Variants in SYNRG observed in about 807,000 individuals in gnomAD.
SYNRG encodes AP1 gamma subunit binding protein 1.
Under a neutral mutation model 130.9 loss-of-function variants are expected in SYNRG, and 37 were observed. The observed-to-expected ratio is 0.28, with a 90% CI of 0.22 to 0.37. The LOEUF (loss-of-function observed/expected upper bound fraction) is 0.37, where lower values mean the gene tolerates loss of function less well. Ranked by LOEUF, SYNRG falls within the 10% of genes least tolerant of loss-of-function variation. The pLI is 1.00. For missense variants in SYNRG, 1,338 were observed against 1,588.9 expected, an observed-to-expected ratio of 0.84 and a Z score of 2.68; for synonymous variants, 539 against 568.1, an observed-to-expected ratio of 0.95 and a Z score of 0.73.
At chr17:37,603,620 G>A (rs953581684) in intron 1 of SYNRG, among the ~76,000 whole-genome samples, 2 of 152,186 alleles carry the variant, frequency 1.3e-5, no homozygotes, top group African/African-American at 4.8e-5. Flanking sequence ...GGGTGACCAG[G>A]CACATTGTCA....
At chr17:37,533,403 GAA>G (rs368807571) in intron 19 of SYNRG, among the ~76,000 whole-genome samples, 1 of 139,868 alleles carries the variant, frequency 7.1e-6, no homozygotes. Context: ...TCTGTCTGGG[GAA>G]AAAAAAAAAC....
chr17:37,555,736 T>C (rs572880808), intron 13 of SYNRG, among the ~76,000 whole-genome samples: 1 of 152,146 alleles, frequency 6.6e-6, no homozygotes, highest in East Asian at 1.9e-4. Flanking sequence ...AAATCCCATC[T>C]CTACTTAAAA....
Position 37,535,992 on chromosome 17 carries a change from A to T in SYNRG, c.3653T>A (p.Leu1218His). ...VWNNLIGFMS[L>H]ATLTPDENSL... Reference sequence around the variant, plus strand: ...TCATGGGCTTACTGTGAGTGTGGCGAGTGACATGAAGCCGATTAGGTTATT... The same window carrying T: ...TCATGGGCTTACTGTGAGTGTGGCGTGTGACATGAAGCCGATTAGGTTATT... The change falls in exon 19 of 22, where the codon CTC becomes CAC. Residue 1218 changes from leucine to histidine, a missense_variant. This residue lies in a region of SYNRG where 1,146 missense variants were observed against 1,342.3 expected (regional missense o/e 0.85). Transcript: ENST00000612223. The T allele has an allele frequency of 6.2e-7, 1 of 1,613,788 alleles. No homozygotes were observed. Among genetic ancestry groups the T allele is most frequent in the East Asian group, 2.2e-5 (1 of 44,902 alleles).
chr17:37,565,990 C>T lies in SYNRG; in HGVS notation c.1481+2801G>A, dbSNP rs567856285. Among the ~76,000 whole-genome samples, 63 of 150,568 alleles carry T rather than the reference C, an allele frequency of 4.2e-4. 2 individuals carry two copies. The highest frequency in any genetic ancestry group is 1.5e-3 in the African/African-American group (60 of 40,472). The stretch of plus-strand genomic sequence containing the variant: ...GGGGTCAGCCCCCTGCCCGGCCAGC[C>T]GCCCCGTCCGGGAGGGAGGTGGGGG... On this transcript the variant is annotated intron_variant, in intron 11 of 21. Coordinates refer to ENST00000612223, the MANE Select transcript of SYNRG (RefSeq NM_007247.6).
intron 8 of SYNRG, among the ~76,000 whole-genome samples, chr17:37,572,837 C>T (rs1446047566): frequency 1.3e-5 from 2 of 152,034 alleles, no homozygotes; most frequent in Non-Finnish European, 1.5e-5. Flanking sequence ...CATGGGTTTT[C>T]CAAAGGACCA....
chr17:37,609,232 C>T, intron 1 of SYNRG, 47 bp downstream of exon 1: 2 of 1,389,384 alleles, frequency 1.4e-6, no homozygotes, highest in South Asian at 1.6e-5. Context: ...CGCCCCTCGC[C>T]GCCCCCGCGG....
chr17:37,608,582 G>A (rs189101877), intron 1 of SYNRG, among the ~76,000 whole-genome samples: 17 of 152,314 alleles, frequency 1.1e-4, no homozygotes, highest in Admixed American at 9.8e-4. Context: ...TTTAAGGGCT[G>A]AGTCTGGAAG....
At chr17:37,599,785 T>G (rs1357980537) in intron 2 of SYNRG, among the ~76,000 whole-genome samples, 3 of 152,222 alleles carry the variant, frequency 2.0e-5, no homozygotes, top group Non-Finnish European at 2.9e-5. Context: ...TGAATCAGAC[T>G]ATGTGATCTC....
intron 3 of SYNRG, among the ~76,000 whole-genome samples, chr17:37,594,034 C>T (rs1235416037): frequency 6.6e-6 from 1 of 151,816 alleles, no homozygotes; most frequent in African/African-American, 2.4e-5. Flanking sequence ...ACTAACAACT[C>T]TCATAGTTTA....
At chr17:37,562,310 G>A (rs1209533645) in intron 11 of SYNRG, among the ~76,000 whole-genome samples, 2 of 152,212 alleles carry the variant, frequency 1.3e-5, no homozygotes, top group East Asian at 3.8e-4. Context: ...TTTCGTGCTG[G>A]ATGGAAAAAT....
chr17:37,528,799 T>C (rs1040374344), intron 19 of SYNRG, among the ~76,000 whole-genome samples: 1 of 152,248 alleles, frequency 6.6e-6, no homozygotes, highest in Non-Finnish European at 1.5e-5. Context: ...CTGTGGAATG[T>C]GTGCTATTCC....
intron 7 of SYNRG, among the ~76,000 whole-genome samples, chr17:37,577,021 T>C (rs1453314046): frequency 2.6e-5 from 4 of 152,204 alleles, no homozygotes; most frequent in African/African-American, 9.7e-5. Flanking sequence ...TATATTCTCA[T>C]TGGTGACTTT....
intron 19 of SYNRG, among the ~76,000 whole-genome samples, chr17:37,527,761 G>T (rs2056121389): frequency 6.6e-6 from 1 of 152,042 alleles, no homozygotes; most frequent in Admixed American, 6.6e-5. Flanking sequence ...TCAGGAACTC[G>T]AACGTCTGCA....
rs1384344164 is a variant in SYNRG, at chr17:37,580,510, T to TGTGAGAGAGAGAGA, written c.590-2898_590-2897insTCTCTCTCTCTCAC. ...GTGTGTGTGTGTGTGTGTGTGTGTGTGAGAGAGAGAGAGAGAGAGAGAGAG... is the reference window on the plus strand; with the variant it reads ...GTGTGTGTGTGTGTGTGTGTGTGTGTGTGAGAGAGAGAGAGAGAGAGAGAGAGAGAGAGAGAGAG... On this transcript the variant is annotated intron_variant, in intron 6 of 21. Transcript: ENST00000612223. Among the ~76,000 whole-genome samples the TGTGAGAGAGAGAGA allele has an allele frequency of 4.4e-4, 56 of 127,716 alleles. 1 individual carries two copies. Among genetic ancestry groups the TGTGAGAGAGAGAGA allele is most frequent in the African/African-American group, 1.2e-3 (33 of 27,464 alleles). The allele number at this position is 127,716 out of a possible 152,430, so 83.8% of individuals were successfully genotyped here.
intron 19 of SYNRG, among the ~76,000 whole-genome samples, chr17:37,534,985 C>A (rs2057048967): frequency 6.6e-6 from 1 of 151,936 alleles, no homozygotes; most frequent in Admixed American, 6.6e-5. Flanking sequence ...AGGATATCAT[C>A]AGAGACAAAT....
chr17:37,604,240 TAAA>T (rs202156948), intron 1 of SYNRG, among the ~76,000 whole-genome samples: 24 of 142,082 alleles, frequency 1.7e-4, no homozygotes, highest in Admixed American at 2.8e-4. Flanking sequence ...ACTCTGTCTA[TAAA>T]AAAAAAAAAA....
At chr17:37,552,622 C>A (rs2058793575) in intron 14 of SYNRG, among the ~76,000 whole-genome samples, 1 of 152,156 alleles carries the variant, frequency 6.6e-6, no homozygotes, top group African/African-American at 2.4e-5. Flanking sequence ...ATGTGGCAAA[C>A]TGCACTACAA....
chr17:37,567,830 G>A (rs548935534), intron 11 of SYNRG: 4 of 152,254 alleles, frequency 2.6e-5, no homozygotes, highest in East Asian at 1.9e-4. Flanking sequence ...TAACAAATTC[G>A]AAAAATAAAA....
chr17:37,597,504 T>C (rs766293278), intron 2 of SYNRG, among the ~76,000 whole-genome samples: 10 of 152,276 alleles, frequency 6.6e-5, no homozygotes, highest in Non-Finnish European at 1.3e-4. Flanking sequence ...AATCTGCTTC[T>C]TTCTATGCCT....
Sources: allele counts gnomAD v4.1 joint callset (sites outside exome capture counted in the v4.1 genomes callset), GRCh38; gene constraint gnomAD v4.1.1; regional missense constraint gnomAD v4.1.1; transcripts MANE v1.5; gene names NCBI Gene and HGNC (gene_info 2026-07-23, HGNC 2026-07-21).